The following FXR1 variants were observed in gnomAD, a reference collection of about 807,000 sequenced individuals.
The protein encoded by FXR1 is RNA-binding protein FXR1.
In FXR1, 15 loss-of-function variants were observed where a neutral mutation model predicts 84.0. That is an observed-to-expected ratio of 0.18 (90% CI 0.12 to 0.27). The LOEUF (loss-of-function observed/expected upper bound fraction) is 0.27, where lower values mean the gene tolerates loss of function less well. FXR1 is among the 10% of genes least tolerant of loss of function. The pLI, the probability that FXR1 is intolerant of heterozygous loss-of-function variation, is 1.00. For missense variants in FXR1, 480 were observed against 774.4 expected (o/e 0.62, Z 4.51); for synonymous variants, 245 against 250.7 (o/e 0.98, Z 0.21).
At chr3:180,928,751 TGTTA>T (rs1234029950) in intron 1 of FXR1, among the ~76,000 whole-genome samples, 2 of 152,174 alleles carry the variant, frequency 1.3e-5, no homozygotes, top group African/African-American at 2.4e-5. Flanking sequence ...GCTAATGGAT[TGTTA>T]GTTAACTTGC....
chr3:180,977,664 G>C lies in FXR1; in HGVS notation c.*1372G>C, dbSNP rs1055883303. 2.0e-5 allele frequency: 3 copies of C among 152,108 alleles called. No homozygotes were observed. Among genetic ancestry groups the C allele is most frequent in the African/African-American group, 7.2e-5 (3 of 41,446 alleles). The allele number at this position is 152,108 out of a possible 1,614,324, so 9.4% of individuals were successfully genotyped here. A position where few individuals can be genotyped will look rare whatever the true frequency, so the allele number is the denominator to read the frequency against. On this transcript the variant is annotated 3_prime_UTR_variant, in exon 17 of 17. Coordinates refer to ENST00000357559, the MANE Select transcript of FXR1 (RefSeq NM_005087.4). The stretch of plus-strand genomic sequence containing the variant: ...TGAGGTCAAGTAATTGTTAGACATA[G>C]GGGAAGGCTTTGTTCCACAATATTA...
At chr3:180,932,739 T>G (rs1296678387) in intron 1 of FXR1, among the ~76,000 whole-genome samples, 2 of 152,200 alleles carry the variant, frequency 1.3e-5, no homozygotes, top group African/African-American at 4.8e-5. Flanking sequence ...AAAATAAGAT[T>G]AAGTTAATGG....
chr3:180,940,997 T>C (rs928023064), intron 3 of FXR1, among the ~76,000 whole-genome samples: 1 of 152,174 alleles, frequency 6.6e-6, no homozygotes, highest in African/African-American at 2.4e-5. Flanking sequence ...AATTGGCAAG[T>C]TTTTGTTCTT....
chr3:180,949,723 C>T (rs1449809895), intron 7 of FXR1, among the ~76,000 whole-genome samples: 2 of 152,144 alleles, frequency 1.3e-5, no homozygotes, highest in African/African-American at 2.4e-5. Flanking sequence ...TTGCTTCAAA[C>T]GAAGGCAGCC....
chr3:180,915,399 C>G, intron 1 of FXR1: 1 of 732,970 alleles, frequency 1.4e-6, no homozygotes, highest in Non-Finnish European at 2.2e-6. Context: ...TTTTCTTATT[C>G]AGAACGTTAC....
At position 180,959,816 on chromosome 3, in the gene FXR1, A is replaced by G. The variant is rs950858334; in HGVS notation, c.991-1652A>G. Among the ~76,000 whole-genome samples, 4 of 152,274 alleles carry G rather than the reference A, an allele frequency of 2.6e-5. 1 individual carries two copies. The South Asian group carries it at 6.2e-4, about 24-fold the overall frequency. On this transcript the variant is annotated intron_variant, in intron 10 of 16. Transcript: ENST00000357559. ...TGTGAACCTCTGTAATAGCTGTGCTATATCCCTAGCACTTGCCCTGTTGCC... is the reference window on the plus strand; with the variant it reads ...TGTGAACCTCTGTAATAGCTGTGCTGTATCCCTAGCACTTGCCCTGTTGCC...
chr3:180,916,055 A>G (rs1157191338), intron 1 of FXR1, among the ~76,000 whole-genome samples: 1 of 152,250 alleles, frequency 6.6e-6, no homozygotes, highest in Non-Finnish European at 1.5e-5. Flanking sequence ...GCTGTTATAT[A>G]AAATAACATT....
rs571206617 is a variant in FXR1 at position 180,982,380 on chromosome 3, T to G, written c.*6088T>G. 6.6e-6 allele frequency: 1 copy of G among 152,068 alleles called. No homozygotes were observed. The highest frequency in any genetic ancestry group is 1.9e-4 in the East Asian group (1 of 5,182). 9.4% of individuals were successfully genotyped at this position (152,068 alleles called of 1,614,324 possible). On this transcript the variant is annotated 3_prime_UTR_variant, in exon 17 of 17. Coordinates refer to ENST00000357559, the MANE Select transcript of FXR1 (RefSeq NM_005087.4). ...CATGGATAACATTTAAATGTTCAGTTTGCCTAATAGCCTTCAATGAAACAC... is the reference window on the plus strand; with the variant it reads ...CATGGATAACATTTAAATGTTCAGTGTGCCTAATAGCCTTCAATGAAACAC...
intron 7 of FXR1, among the ~76,000 whole-genome samples, chr3:180,950,591 A>T (rs754150272): frequency 1.3e-5 from 2 of 152,122 alleles, no homozygotes; most frequent in South Asian, 2.1e-4. Flanking sequence ...TCTTCAGTAC[A>T]TCTCATCTTG....
At chr3:180,915,632 G>A (rs1326292463) in intron 1 of FXR1, 1 of 733,738 alleles carries the variant, frequency 1.4e-6, no homozygotes, top group Admixed American at 2.0e-5. Context: ...CAATGTACAG[G>A]TGATCTGAAT....
At chr3:180,960,639 A>G (rs886679183) in intron 10 of FXR1, among the ~76,000 whole-genome samples, 12 of 152,054 alleles carry the variant, frequency 7.9e-5, no homozygotes, top group African/African-American at 2.9e-4. Context: ...TAATTTTTGT[A>G]TATTTTGTAG....
chr3:180,927,799 A>G (rs981197750), intron 1 of FXR1: 1 of 425,824 alleles, frequency 2.3e-6, no homozygotes, highest in Non-Finnish European at 4.1e-6. Flanking sequence ...TTAAAATTAC[A>G]TTTTTTCCTG....
In FXR1 at chr3:180,968,252, C is replaced by G. The variant is rs765100344; in HGVS notation, c.1400C>G (p.Ser467Cys). 1 of 1,589,994 alleles carries G rather than the reference C, an allele frequency of 6.3e-7. No homozygotes were observed. Among genetic ancestry groups the G allele is most frequent in the African/African-American group, 1.3e-5 (1 of 74,544 alleles). ...GPRGGKSSISSVLKDPDSNPY... is the reference protein window; with the variant it reads ...GPRGGKSSISCVLKDPDSNPY... ...CGTGGTGGCAAATCCTCCATCAGTT[C>G]TGGTAGTCTTTTCTATACTCTGTCA... The change falls in exon 14 of 17, where the codon TCT becomes TGT. Residue 467 changes from serine (S) to cysteine (C), a missense_variant and splice_region_variant. Around this residue, in one of 6 missense-constraint regions of FXR1, gnomAD observed 157 missense variants for 227.8 expected, o/e 0.69. Transcript: ENST00000357559.
chr3:180,940,649 T>C lies in FXR1; in HGVS notation c.198+5418T>C, dbSNP rs531766845. ...TCTAGTGCAATGGCGCCATCTCGGCTCAGCGCAACCTCCGCCTCCTGGGTT... is the reference window on the plus strand; with the variant it reads ...TCTAGTGCAATGGCGCCATCTCGGCCCAGCGCAACCTCCGCCTCCTGGGTT... On this transcript the variant is annotated intron_variant, in intron 3 of 16. Coordinates refer to ENST00000357559, the MANE Select transcript of FXR1 (RefSeq NM_005087.4). Among the ~76,000 whole-genome samples, 13 of 151,256 alleles carry C rather than the reference T, an allele frequency of 8.6e-5. No individual in the cohort carries two copies. In the South Asian group the frequency reaches 2.7e-3, roughly 32 times the overall value.
intron 1 of FXR1, chr3:180,927,640 C>T: frequency 1.8e-6 from 1 of 565,000 alleles, no homozygotes; most frequent in Non-Finnish European, 3.1e-6. Context: ...TACTTTTTTC[C>T]CCCACAGGCC....
chr3:180,918,648 A>G (rs1718184378), intron 1 of FXR1, among the ~76,000 whole-genome samples: 1 of 152,244 alleles, frequency 6.6e-6, no homozygotes, highest in Non-Finnish European at 1.5e-5. Flanking sequence ...TTTAACTGGC[A>G]GGATCATCCA....
intron 6 of FXR1, 117 bp from the exon 7 acceptor site, chr3:180,949,110 G>T: frequency 1.4e-6 from 1 of 738,380 alleles, no homozygotes. Flanking sequence ...GTGAGTGTTA[G>T]GTGAAAGAAG....
At position 180,916,332 on chromosome 3, in the gene FXR1, A is replaced by AAT. The variant is rs1250100132; in HGVS notation, c.51+3603_51+3604dup. On this transcript the variant is annotated intron_variant, in intron 1 of 16. Coordinates refer to ENST00000357559, the MANE Select transcript of FXR1 (RefSeq NM_005087.4). ...TAAAGTGCTTTTTAACTGATGTATA[A>AAT]ATATATATTAGTCTTTGTAATAGCA... Among the ~76,000 whole-genome samples the AAT allele has an allele frequency of 5.3e-5, 8 of 152,280 alleles. No homozygotes were observed. In the South Asian group the frequency reaches 1.0e-3, roughly 20 times the overall value.
intron 2 of FXR1, among the ~76,000 whole-genome samples, chr3:180,934,154 C>T (rs1720267680): frequency 6.6e-6 from 1 of 152,140 alleles, no homozygotes. Flanking sequence ...AAAAACTGTT[C>T]AGCTTCCACT....
Sources: allele counts gnomAD v4.1 joint callset (sites outside exome capture counted in the v4.1 genomes callset), GRCh38; gene constraint gnomAD v4.1.1; regional missense constraint gnomAD v4.1.1; transcripts MANE v1.5; gene names NCBI Gene and HGNC (gene_info 2026-07-23, HGNC 2026-07-21).